Variants in RAB38 observed in about 807,000 individuals in gnomAD.
RAB38 encodes the protein RAB38, member RAS oncogene family, also known as ras-related protein Rab-38.
A neutral mutation model predicts 18.4 loss-of-function variants in RAB38; 15 were observed. The ratio of observed to expected loss-of-function variants is 0.82; its 90% CI spans 0.55 to 1.26. The LOEUF (loss-of-function observed/expected upper bound fraction) is 1.26, where lower values mean the gene tolerates loss of function less well. RAB38 is among the 50% of genes most tolerant of loss of function. RAB38 has a pLI of 0.00. For missense variants in RAB38, 294 were observed against 267.4 expected, an observed-to-expected ratio of 1.10 and a Z score of -0.69; for synonymous variants, 101 against 104.4, an observed-to-expected ratio of 0.97 and a Z score of 0.20.
At chr11:88,151,319 G>A (rs887395753) in intron 1 of RAB38, among the ~76,000 whole-genome samples, 1 of 152,168 alleles carries the variant, frequency 6.6e-6, no homozygotes, top group African/African-American at 2.4e-5. Flanking sequence ...TATGGCACAA[G>A]TTCTGAAATC....
the RAB38 span, among the ~76,000 whole-genome samples, chr11:87,929,610 A>G: frequency 6.6e-6 from 1 of 151,806 alleles, no homozygotes; most frequent in East Asian, 1.9e-4. Flanking sequence ...CATGTATACA[A>G]CGTGCAGGTT....
the RAB38 span, among the ~76,000 whole-genome samples, chr11:87,943,551 G>A: frequency 1.3e-5 from 2 of 152,026 alleles, no homozygotes; most frequent in African/African-American, 4.8e-5. Context: ...TCATTTTCTC[G>A]CCCATCTTGG....
chr11:88,034,264 A>G, the RAB38 span, among the ~76,000 whole-genome samples: 1 of 152,120 alleles, frequency 6.6e-6, no homozygotes, highest in Non-Finnish European at 1.5e-5. Flanking sequence ...CCCATTGACA[A>G]TTTGCAGTTT....
chr11:88,044,507 A>G, the RAB38 span, among the ~76,000 whole-genome samples: 1 of 152,072 alleles, frequency 6.6e-6, no homozygotes, highest in Admixed American at 6.6e-5. Context: ...TGAACACCTT[A>G]TTTTCTTCTA....
At chr11:88,045,073 T>C in the RAB38 span, among the ~76,000 whole-genome samples, 1 of 152,212 alleles carries the variant, frequency 6.6e-6, no homozygotes, top group Admixed American at 6.5e-5. Context: ...TTTAGGCTCT[T>C]TTTCATCGAA....
chr11:88,162,497 T>C lies in RAB38; in HGVS notation c.203-12542A>G, dbSNP rs574338763. Among the ~76,000 whole-genome samples, 17 of 152,202 alleles carry C rather than the reference T, an allele frequency of 1.1e-4. No homozygotes were observed. The East Asian group carries it at 3.1e-3, about 28-fold the overall frequency. On this transcript the variant is annotated intron_variant, in intron 1 of 2. Transcript: ENST00000243662. ...GCAGGCTTATTAGTTATTTAAGAGT[T>C]TTCTGTCATGTCTGGTCTGTTGCAT... is the stretch of plus-strand genomic sequence containing the variant.
the RAB38 span, among the ~76,000 whole-genome samples, chr11:87,959,507 G>A: frequency 6.6e-6 from 1 of 152,236 alleles, no homozygotes; most frequent in East Asian, 1.9e-4. Flanking sequence ...TCTGTGCTGA[G>A]CATTGTGCTA....
the RAB38 span, among the ~76,000 whole-genome samples, chr11:87,961,809 T>G: frequency 6.6e-6 from 1 of 152,326 alleles, no homozygotes; most frequent in Non-Finnish European, 1.5e-5. Context: ...AGAAAATGTG[T>G]CATGGGCTGT....
chr11:87,932,139 G>T, the RAB38 span, among the ~76,000 whole-genome samples: 1 of 152,020 alleles, frequency 6.6e-6, no homozygotes, highest in Non-Finnish European at 1.5e-5. Flanking sequence ...AGGGGGGCAA[G>T]GGGAGGGAGA....
At chr11:88,088,267 A>T in the RAB38 span, among the ~76,000 whole-genome samples, 1 of 151,986 alleles carries the variant, frequency 6.6e-6, no homozygotes, top group Non-Finnish European at 1.5e-5. Context: ...TTATTTAACT[A>T]TGTATTTGTA....
the RAB38 span, among the ~76,000 whole-genome samples, chr11:87,888,202 A>G: frequency 6.6e-6 from 1 of 151,954 alleles, no homozygotes; most frequent in Non-Finnish European, 1.5e-5. Flanking sequence ...CATGACTTCA[A>G]GAATAACACC....
At chr11:88,122,880 T>C (rs969097441) in intron 2 of RAB38, among the ~76,000 whole-genome samples, 4 of 152,168 alleles carry the variant, frequency 2.6e-5, no homozygotes, top group Non-Finnish European at 5.9e-5. Context: ...TACAGTAGGA[T>C]AAAATGGAAA....
the RAB38 span, among the ~76,000 whole-genome samples, chr11:88,068,736 G>A: frequency 6.6e-6 from 1 of 152,242 alleles, no homozygotes; most frequent in Non-Finnish European, 1.5e-5. Flanking sequence ...GTTTGTGCAA[G>A]AGAATTGTGA....
At chr11:88,014,674 A>G in the RAB38 span, among the ~76,000 whole-genome samples, 3 of 152,204 alleles carry the variant, frequency 2.0e-5, no homozygotes, top group South Asian at 6.2e-4. Flanking sequence ...CCTGACAACC[A>G]TGTGTTTTGG....
the RAB38 span, among the ~76,000 whole-genome samples, chr11:87,869,328 C>A: frequency 1.3e-4 from 19 of 151,334 alleles, no homozygotes; most frequent in African/African-American, 4.4e-4. Context: ...TATTATTATC[C>A]TAAACTTAAA....
the RAB38 span, among the ~76,000 whole-genome samples, chr11:88,070,294 C>T: frequency 6.6e-6 from 1 of 152,210 alleles, no homozygotes; most frequent in Non-Finnish European, 1.5e-5. Context: ...CCGCGAAGGT[C>T]TGCAGCTTCA....
the RAB38 span, among the ~76,000 whole-genome samples, chr11:87,955,965 T>A: frequency 6.6e-6 from 1 of 151,284 alleles, no homozygotes. Flanking sequence ...AAAGAGAAAA[T>A]GCAATTTTAT....
chr11:88,085,455 A>G, the RAB38 span, among the ~76,000 whole-genome samples: 2 of 151,906 alleles, frequency 1.3e-5, no homozygotes, highest in African/African-American at 4.8e-5. Context: ...TCAAATTCAG[A>G]TCTTTTGGCT....
intron 2 of RAB38, among the ~76,000 whole-genome samples, chr11:88,120,280 CTCAGGGATAGTAAGGG>C (rs572166481): frequency 7.2e-4 from 109 of 152,318 alleles, no homozygotes; most frequent in African/African-American, 2.5e-3. Flanking sequence ...TGTGCAAGGT[CTCAGGGATAGTAAGGG>C]TCAGAACCTG....
Sources: gnomAD v4.1 joint callset for allele counts (sites outside exome capture counted in the v4.1 genomes callset) on GRCh38, gnomAD v4.1.1 for gene constraint, MANE v1.5 for transcripts, NCBI Gene and HGNC (gene_info 2026-07-23, HGNC 2026-07-21) for gene names.